NALF1: variants seen among roughly 807,000 people sequenced by gnomAD.
NALF1 encodes the protein NALCN channel auxiliary factor 1, also known as family with sequence similarity 155 member A.
Under a neutral mutation model 48.4 loss-of-function variants are expected in NALF1, and 3 were observed. That is an observed-to-expected ratio of 0.06 (90% CI 0.03 to 0.16). The LOEUF (loss-of-function observed/expected upper bound fraction) is 0.16. Ranked by LOEUF, NALF1 falls within the 10% of genes least tolerant of loss-of-function variation. The pLI is 1.00. For synonymous variants in NALF1, 262 were observed against 245.7 expected (o/e 1.07, Z -0.62); for missense variants, 526 against 571.5 (o/e 0.92, Z 0.81).
chr13:107,537,251 G>A (rs550834339), intron 1 of NALF1, among the ~76,000 whole-genome samples: 61 of 151,980 alleles, frequency 4.0e-4, no homozygotes, highest in African/African-American at 1.4e-3. Context: ...TAAAAAAAAA[G>A]GGAGTGTTTC....
chr13:107,217,825 A>G lies in NALF1; in HGVS notation c.916-7070T>C, dbSNP rs10492720. ...TCTCACTTGGATTTCTGCCTTGGAT[A>G]TACCCCGTGGAGCCTACCCTTGTGC... is the stretch of plus-strand genomic sequence containing the variant. On this transcript the variant is annotated intron_variant, in intron 1 of 2. Transcript: ENST00000375915. Among the ~76,000 whole-genome samples the G allele has an allele frequency of 9.3e-3, 1,411 of 152,228 alleles. 49 individuals carry two copies. In the East Asian group the frequency reaches 0.12, roughly 13 times the overall value.
At chr13:107,289,413 T>C (rs1346745355) in intron 1 of NALF1, among the ~76,000 whole-genome samples, 2 of 152,222 alleles carry the variant, frequency 1.3e-5, no homozygotes, top group African/African-American at 4.8e-5. Context: ...TAAATACTCA[T>C]TGAAAGAGTT....
Position 107,791,788 on chromosome 13 carries a change from C to A in NALF1, c.915+73894G>T, listed in dbSNP as rs534294608. ...CAACGTGGTGATCCCCGCCCCCCCC[C>A]GTCTCTACTAAAAATACAAAAATTA... On this transcript the variant is annotated intron_variant, in intron 1 of 2. Transcript: ENST00000375915. Among the ~76,000 whole-genome samples, 287 of 150,310 alleles carry A rather than the reference C, an allele frequency of 1.9e-3. 1 individual carries two copies. The highest frequency in any genetic ancestry group is 5.0e-3 in the Admixed American group (76 of 15,078).
chr13:107,727,542 G>A (rs1482348663), intron 1 of NALF1, among the ~76,000 whole-genome samples: 1 of 152,124 alleles, frequency 6.6e-6, no homozygotes, highest in African/African-American at 2.4e-5. Flanking sequence ...CCTTGCTTTT[G>A]GCACCAGTTC....
intron 2 of NALF1, among the ~76,000 whole-genome samples, chr13:107,197,992 T>C (rs1879429077): frequency 6.6e-6 from 1 of 152,184 alleles, no homozygotes; most frequent in South Asian, 2.1e-4. Context: ...TTCAGAACCT[T>C]AAATATGAAC....
At chr13:107,312,207 T>A (rs550211125) in intron 1 of NALF1, among the ~76,000 whole-genome samples, 12 of 151,984 alleles carry the variant, frequency 7.9e-5, no homozygotes. Context: ...ATTAAGAAAA[T>A]GTGGCACATA....
intron 1 of NALF1, among the ~76,000 whole-genome samples, chr13:107,407,005 A>G (rs561204644): frequency 6.6e-6 from 1 of 152,206 alleles, no homozygotes; most frequent in Non-Finnish European, 1.5e-5. Context: ...TGTCAAGAAC[A>G]TACAGTCTGG....
At chr13:107,746,368 C>T (rs1216423889) in intron 1 of NALF1, among the ~76,000 whole-genome samples, 2 of 152,100 alleles carry the variant, frequency 1.3e-5, no homozygotes, top group Non-Finnish European at 2.9e-5. Flanking sequence ...ACCCAAGGTG[C>T]TTAATAAATA....
intron 1 of NALF1, among the ~76,000 whole-genome samples, chr13:107,616,202 A>C (rs1266041316): frequency 6.6e-6 from 1 of 152,248 alleles, no homozygotes; most frequent in East Asian, 1.9e-4. Flanking sequence ...ATCATCATAG[A>C]AAATGAAAAT....
chr13:107,416,237 G>C (rs187310779), intron 1 of NALF1, among the ~76,000 whole-genome samples: 1 of 150,648 alleles, frequency 6.6e-6, no homozygotes, highest in African/African-American at 2.4e-5. Flanking sequence ...GGATGGTCTC[G>C]ATCTCCTGAC....
intron 1 of NALF1, among the ~76,000 whole-genome samples, chr13:107,223,292 G>C (rs1407851181): frequency 7.9e-5 from 12 of 152,096 alleles, no homozygotes; most frequent in Non-Finnish European, 1.8e-4. Context: ...ATATATATAA[G>C]AAAGTCAGAG....
chr13:107,410,165 A>C (rs1232570227), intron 1 of NALF1, among the ~76,000 whole-genome samples: 1 of 152,204 alleles, frequency 6.6e-6, no homozygotes, highest in Admixed American at 6.5e-5. Context: ...TGGGCTCAGG[A>C]AAGATTTTTT....
At chr13:107,231,356 T>C (rs964853003) in intron 1 of NALF1, among the ~76,000 whole-genome samples, 2 of 152,224 alleles carry the variant, frequency 1.3e-5, no homozygotes, top group East Asian at 3.8e-4. Context: ...TTAATGATTT[T>C]AAACATTATA....
chr13:107,800,629 TATATAATAC>T (rs1249223983), intron 1 of NALF1, among the ~76,000 whole-genome samples: 11 of 147,034 alleles, frequency 7.5e-5, no homozygotes, highest in African/African-American at 2.7e-4. Context: ...ATTATATAAT[TATATAATAC>T]ATATAAGATA....
intron 1 of NALF1, among the ~76,000 whole-genome samples, chr13:107,670,709 C>T (rs559360084): frequency 2.0e-5 from 3 of 152,210 alleles, no homozygotes; most frequent in Non-Finnish European, 2.9e-5. Context: ...TTCCTTGTTA[C>T]GGTCTGAGGA....
At chr13:107,604,994 C>A (rs1351813644) in intron 1 of NALF1, among the ~76,000 whole-genome samples, 1 of 152,160 alleles carries the variant, frequency 6.6e-6, no homozygotes, top group African/African-American at 2.4e-5. Context: ...ATACTCCAAA[C>A]TTGATACAGT....
intron 1 of NALF1, among the ~76,000 whole-genome samples, chr13:107,232,810 C>T (rs1880255496): frequency 6.6e-6 from 1 of 152,114 alleles, no homozygotes; most frequent in Non-Finnish European, 1.5e-5. Flanking sequence ...TTTTCGAGCA[C>T]TCACTCTTTT....
intron 1 of NALF1, among the ~76,000 whole-genome samples, chr13:107,326,568 C>T (rs1416372943): frequency 6.6e-6 from 1 of 152,102 alleles, no homozygotes; most frequent in African/African-American, 2.4e-5. Context: ...GTAGATTAGT[C>T]CAGATTTGGA....
intron 1 of NALF1, among the ~76,000 whole-genome samples, chr13:107,300,721 T>C (rs990978356): frequency 1.3e-5 from 2 of 152,210 alleles, no homozygotes; most frequent in African/African-American, 2.4e-5. Context: ...AGCATCTAAA[T>C]GACAATGAAA....
Sources: gnomAD v4.1 joint callset for allele counts (sites outside exome capture counted in the v4.1 genomes callset) on GRCh38, gnomAD v4.1.1 for gene constraint, MANE v1.5 for transcripts, NCBI Gene and HGNC (gene_info 2026-07-23, HGNC 2026-07-21) for gene names.